Variants in WNK2 observed in about 807,000 individuals in gnomAD.
WNK2 encodes WNK lysine deficient protein kinase 2.
A neutral mutation model predicts 192.1 loss-of-function variants in WNK2; 67 were observed. The observed-to-expected ratio is 0.35, with a 90% CI of 0.29 to 0.43. WNK2 has a LOEUF of 0.43. WNK2 is among the 20% of genes least tolerant of loss of function. The pLI is 1.00. For missense variants in WNK2, 2,698 were observed against 3,089.7 expected (o/e 0.87, Z 3.01); for synonymous variants, 1,439 against 1,393.9 (o/e 1.03, Z -0.72).
chr9:93,207,344 G>A (rs2131397929), intron 2 of WNK2, among the ~76,000 whole-genome samples: 1 of 152,204 alleles, frequency 6.6e-6, no homozygotes, highest in South Asian at 2.1e-4. Context: ...CAGATCTCTG[G>A]TGGGGGGGCC....
At chr9:93,245,098 G>A (rs1841458623) in intron 7 of WNK2, among the ~76,000 whole-genome samples, 1 of 147,446 alleles carries the variant, frequency 6.8e-6, no homozygotes, top group South Asian at 2.1e-4. Flanking sequence ...ACATCATTCT[G>A]TGGAAAAAAA....
chr9:93,263,586 C>T lies in WNK2; in HGVS notation c.3431C>T (p.Thr1144Ile). 1 of 1,611,598 alleles carries T rather than the reference C, an allele frequency of 6.2e-7. No homozygotes were observed. Among genetic ancestry groups the T allele is most frequent in the Non-Finnish European group, 8.5e-7 (1 of 1,179,358 alleles). Residue 1144 changes from threonine to isoleucine, a missense_variant, in exon 15 of 30, where the codon ACT becomes ATT. Thr to Ile is a moderately conservative substitution (Grantham distance 89). Transcript: ENST00000427277. Reference protein sequence around the residue: ...SCESYGGSDVTSGKELSDSCE... With the variant: ...SCESYGGSDVISGKELSDSCE... ...CTCAGCTATGGAGGTTCTGATGTCA[C>T]TTCTGGAAAAGAGCTGAGTGACAGC...
chr9:93,275,933 A>C (rs912706675), intron 19 of WNK2, among the ~76,000 whole-genome samples: 1 of 152,246 alleles, frequency 6.6e-6, no homozygotes, highest in Non-Finnish European at 1.5e-5. Flanking sequence ...ACTACAAAGT[A>C]CCGATGAAAT....
chr9:93,248,255 T>A (rs1842065942), intron 8 of WNK2, among the ~76,000 whole-genome samples: 1 of 152,236 alleles, frequency 6.6e-6, no homozygotes, highest in Non-Finnish European at 1.5e-5. Context: ...ACCCTAGGTA[T>A]GGGTGAGCCT....
chr9:93,317,507 C>CT lies in WNK2; in HGVS notation c.6517-12dup. The CT allele has an allele frequency of 2.5e-6, 4 of 1,613,376 alleles. No homozygotes were observed. Among genetic ancestry groups the CT allele is most frequent in the Non-Finnish European group, 3.4e-6 (4 of 1,179,750 alleles). On this transcript the variant is annotated splice_polypyrimidine_tract_variant and intron_variant, in intron 28 of 29. Transcript: ENST00000427277. ...CACGTGTACCTTCCTCTTCTCGTCTCTGTGTTTTGTAGATGACCGCACCTC... is the reference window on the plus strand; with the variant it reads ...CACGTGTACCTTCCTCTTCTCGTCTCTTGTGTTTTGTAGATGACCGCACCTC...
intron 26 of WNK2, among the ~76,000 whole-genome samples, chr9:93,303,686 T>A (rs1196140469): frequency 6.6e-6 from 1 of 152,152 alleles, no homozygotes; most frequent in Non-Finnish European, 1.5e-5. Context: ...CTGTGGGCTG[T>A]CTGTGGAGCA....
chr9:93,293,295 C>A, intron 23 of WNK2, 122 bp downstream of exon 23: 6 of 862,882 alleles, frequency 7.0e-6, no homozygotes, highest in Non-Finnish European at 9.8e-6. Flanking sequence ...TTGGAGCTGC[C>A]AAGCAGGGAC....
chr9:93,307,087 C>T (rs932466320), intron 27 of WNK2: 11 of 531,850 alleles, frequency 2.1e-5, no homozygotes, highest in Non-Finnish European at 3.4e-5. Flanking sequence ...CCGGAACACC[C>T]GCAAATTGCC....
In WNK2 at chr9:93,267,743, C is replaced by T. The variant is rs750570221; in HGVS notation, c.3697-3C>T. 6.3e-6 allele frequency: 10 copies of T among 1,582,834 alleles called. No individual in the cohort carries two copies. In the South Asian group the frequency reaches 1.2e-4, roughly 18 times the overall value. On this transcript the variant is annotated splice_region_variant and splice_polypyrimidine_tract_variant and intron_variant, in intron 16 of 29. Transcript: ENST00000427277. ...TCCTCACTGGCAGTATGTCCCTTTG[C>T]AGGTGGAGCATGACTTTATCCTGCA...
intron 7 of WNK2, among the ~76,000 whole-genome samples, chr9:93,240,377 T>G (rs897493843): frequency 6.6e-6 from 1 of 152,088 alleles, no homozygotes; most frequent in African/African-American, 2.4e-5. Flanking sequence ...CGCCTTTCCT[T>G]TTGTTTGGGA....
chr9:93,296,256 A>T (rs1354534142), intron 23 of WNK2, among the ~76,000 whole-genome samples: 1 of 6,454 alleles, frequency 1.5e-4, no homozygotes, highest in East Asian at 5.2e-3. Context: ...TCCCCTCTCC[A>T]TCGTCCCCTC....
intron 26 of WNK2, among the ~76,000 whole-genome samples, chr9:93,305,664 A>G (rs1852384726): frequency 1.3e-5 from 2 of 152,204 alleles, no homozygotes; most frequent in Non-Finnish European, 2.9e-5. Context: ...CTGGACGACA[A>G]GTTGCCCGCT....
At chr9:93,318,313 T>C (rs533070917) in intron 29 of WNK2, 49 of 1,539,172 alleles carry the variant, frequency 3.2e-5, no homozygotes, top group South Asian at 1.2e-5. Flanking sequence ...TTTACAAACA[T>C]TGAATTAGCT....
rs765557331 is a variant in WNK2, at chr9:93,230,898, C to T, written c.865C>T (p.Arg289Trp). Residue 289 changes from arginine to tryptophan, a missense_variant, in exon 4 of 30, where the codon CGG (arginine) becomes TGG (tryptophan). This residue lies in a region of WNK2 where 230 missense variants were observed against 501.1 expected (regional missense o/e 0.46). Coordinates refer to ENST00000427277, the MANE Select transcript of WNK2 (RefSeq NM_006648.4). Reference protein sequence around the residue: ...TSGTLKTYLKRFKVMKPKVLR... With the variant: ...TSGTLKTYLKWFKVMKPKVLR... ...CGTGAACCCCTGCAGATACCTGAAG[C>T]GGTTCAAGGTGATGAAGCCCAAGGT... The T allele has an allele frequency of 2.5e-6, 4 of 1,612,816 alleles. No individual in the cohort carries two copies. Among genetic ancestry groups the T allele is most frequent in the East Asian group, 2.2e-5 (1 of 44,888 alleles).
At chr9:93,301,048 C>T (rs1475525956) in intron 26 of WNK2, among the ~76,000 whole-genome samples, 1 of 152,220 alleles carries the variant, frequency 6.6e-6, no homozygotes, top group African/African-American at 2.4e-5. Context: ...AGCCAAAACC[C>T]AGTCCCAGCC....
chr9:93,256,283 C>G lies in WNK2; in HGVS notation c.2035-16C>G. ...CCGAGAGCTGCTGCTGAGTGTGGCCCTGGTGCTCTCTGCAGCCTGGCTTGC... is the reference window on the plus strand; with the variant it reads ...CCGAGAGCTGCTGCTGAGTGTGGCCGTGGTGCTCTCTGCAGCCTGGCTTGC... On this transcript the variant is annotated splice_polypyrimidine_tract_variant and intron_variant, in intron 9 of 29. Transcript: ENST00000427277. 6.5e-7 allele frequency: 1 copy of G among 1,528,894 alleles called. No individual in the cohort carries two copies. Among genetic ancestry groups the G allele is most frequent in the Non-Finnish European group, 8.7e-7 (1 of 1,143,202 alleles). 94.7% of individuals were successfully genotyped at this position (1,528,894 alleles called of 1,614,324 possible). A position where few individuals can be genotyped will look rare whatever the true frequency, so the allele number is the denominator to read the frequency against.
intron 7 of WNK2, among the ~76,000 whole-genome samples, chr9:93,246,996 T>C (rs1479423293): frequency 1.3e-5 from 2 of 152,244 alleles, no homozygotes; most frequent in African/African-American, 4.8e-5. Flanking sequence ...CTCTTACAAA[T>C]GCTCTCAAGG....
chr9:93,218,696 C>T lies in WNK2; in HGVS notation c.682-11000C>T, dbSNP rs367943647. ...CCCTTGAGAACAGGAAAGGCCTCCT[C>T]CTTTGGGGCTGGCCCTGCAGTGTCT... On this transcript the variant is annotated intron_variant, in intron 2 of 29. Coordinates refer to ENST00000427277, the MANE Select transcript of WNK2 (RefSeq NM_006648.4). Among the ~76,000 whole-genome samples, 3 of 152,272 alleles carry T rather than the reference C, an allele frequency of 2.0e-5. No homozygotes were observed. In the South Asian group the frequency reaches 6.2e-4, roughly 32 times the overall value.
chr9:93,292,031 C>T (rs1170027075), intron 21 of WNK2, among the ~76,000 whole-genome samples: 1 of 152,182 alleles, frequency 6.6e-6, no homozygotes, highest in South Asian at 2.1e-4. Context: ...TGAGGGTGCC[C>T]GGGGCTGACG....
Sources: gnomAD v4.1 joint callset for allele counts (sites outside exome capture counted in the v4.1 genomes callset) on GRCh38, gnomAD v4.1.1 for gene constraint, gnomAD v4.1.1 regional missense constraint, MANE v1.5 for transcripts, NCBI Gene and HGNC (gene_info 2026-07-23, HGNC 2026-07-21) for gene names.